The following CNOT1 variants were observed in gnomAD, a reference collection of about 807,000 sequenced individuals.
The protein encoded by CNOT1 is CCR4-associated factor 1.
Under a neutral mutation model 273.8 loss-of-function variants are expected in CNOT1, and 15 were observed. The observed-to-expected ratio is 0.05, with a 90% CI of 0.04 to 0.08. The LOEUF is 0.08. Among genes scored for constraint, CNOT1 ranks in the 10% least tolerant of loss-of-function variants. The pLI, the probability that CNOT1 is intolerant of heterozygous loss-of-function variation, is 1.00. For synonymous variants in CNOT1, 1,022 were observed against 1,005.5 expected, an observed-to-expected ratio of 1.02 and a Z score of -0.31; for missense variants, 1,644 against 2,912.2, an observed-to-expected ratio of 0.56 and a Z score of 10.02.
chr16:58,596,279 A>AC (rs542279038), intron 2 of CNOT1, among the ~76,000 whole-genome samples: 48 of 63,658 alleles, frequency 7.5e-4, no homozygotes, highest in African/African-American at 4.0e-3. Context: ...TGCAGCATCC[A>AC]GGAGGCACTC....
In CNOT1 at chr16:58,555,356, A is replaced by G; in HGVS notation, c.2786T>C (p.Met929Thr). 6.2e-7 allele frequency: 1 copy of G among 1,614,224 alleles called. No individual in the cohort carries two copies. Among genetic ancestry groups the G allele is most frequent in the Non-Finnish European group, 8.5e-7 (1 of 1,180,036 alleles). ...GIIEKGLVTY[M>T]ALGLALRYVL... ...ATATCGTAGAGCCAGACCTAGTGCC[A>G]TGTAAGTGACCAGTCCTTTCTCAAT... Residue 929 changes from methionine (M) to threonine (T), a missense_variant, in exon 21 of 49, where the codon ATG (methionine) becomes ACG (threonine). Physicochemically the swap from Met to Thr is moderately conservative, Grantham distance 81. Transcript: ENST00000317147.
intron 1 of CNOT1, among the ~76,000 whole-genome samples, chr16:58,604,796 TA>T (rs1218956366): frequency 2.8e-3 from 134 of 48,390 alleles, no homozygotes; most frequent in Middle Eastern, 0.027. Flanking sequence ...AAACTCCGTC[TA>T]AAAAAAAAAA....
At chr16:58,557,954 C>T (rs1368747803) in intron 18 of CNOT1, among the ~76,000 whole-genome samples, 1 of 152,140 alleles carries the variant, frequency 6.6e-6, no homozygotes, top group Non-Finnish European at 1.5e-5. Flanking sequence ...CGTACCACTG[C>T]ACTCCAGCCT....
chr16:58,549,062 G>A (rs764016886), intron 25 of CNOT1, among the ~76,000 whole-genome samples: 2 of 152,192 alleles, frequency 1.3e-5, no homozygotes, highest in African/African-American at 4.8e-5. Context: ...GCCGAGGAGG[G>A]TGGATCACCT....
chr16:58,573,476 A>G (rs2041352391), intron 16 of CNOT1, among the ~76,000 whole-genome samples: 2 of 139,312 alleles, frequency 1.4e-5, no homozygotes, highest in African/African-American at 5.9e-5. Context: ...GCTGTTTTGC[A>G]ATTTTTTTTT....
intron 1 of CNOT1, among the ~76,000 whole-genome samples, chr16:58,604,658 G>T (rs1275940991): frequency 6.7e-6 from 1 of 150,314 alleles, no homozygotes; most frequent in African/African-American, 2.4e-5. Flanking sequence ...TTAGCCGGGC[G>T]TGGTGGTGCC....
rs1416823048 is a variant in CNOT1, at chr16:58,550,192, C to T, written c.3343-294G>A. Among the ~76,000 whole-genome samples, 4 of 152,180 alleles carry T rather than the reference C, an allele frequency of 2.6e-5. No homozygotes were observed. In the East Asian group the frequency reaches 5.8e-4, roughly 22 times the overall value. ...ACATAAATTACTAATCTATAAGCTG[C>T]CATTAACATACCTACAGTGTAACCA... On this transcript the variant is annotated intron_variant, in intron 24 of 48. Coordinates refer to ENST00000317147, the MANE Select transcript of CNOT1 (RefSeq NM_016284.5).
At chr16:58,551,547 T>C in intron 23 of CNOT1, 42 bp downstream of exon 23, 1 of 1,579,806 alleles carries the variant, frequency 6.3e-7, no homozygotes, top group Admixed American at 1.7e-5. Flanking sequence ...TATTACAATA[T>C]AATCATAAAT....
intron 27 of CNOT1, 93 bp from the exon 28 acceptor site, chr16:58,546,842 G>A: frequency 5.5e-6 from 8 of 1,462,356 alleles, no homozygotes; most frequent in East Asian, 4.6e-5. Flanking sequence ...GGGGTAGGGG[G>A]GAGTCAAACA....
intron 1 of CNOT1, among the ~76,000 whole-genome samples, chr16:58,623,634 G>A (rs181965750): frequency 1.3e-5 from 2 of 152,236 alleles, no homozygotes; most frequent in East Asian, 3.9e-4. Flanking sequence ...TGGAAGCTCC[G>A]CGGCCCTTAC....
intron 2 of CNOT1, among the ~76,000 whole-genome samples, chr16:58,595,412 T>A (rs2042218011): frequency 8.8e-6 from 1 of 113,982 alleles, no homozygotes; most frequent in Non-Finnish European, 1.8e-5. Flanking sequence ...AAAACTATTT[T>A]TCCATCTCAA....
intron 24 of CNOT1, among the ~76,000 whole-genome samples, chr16:58,550,794 T>C (rs1367062804): frequency 6.6e-6 from 1 of 152,142 alleles, no homozygotes; most frequent in East Asian, 1.9e-4. Context: ...ATGCATTCTT[T>C]ATGCTTTTCA....
intron 1 of CNOT1, among the ~76,000 whole-genome samples, chr16:58,607,739 G>GAAAAAAAA (rs61153626): frequency 1.0e-5 from 1 of 97,430 alleles, no homozygotes; most frequent in Non-Finnish European, 1.9e-5. Flanking sequence ...AAAAAAAAAA[G>GAAAAAAAA]AAAGAAAGAA....
intron 2 of CNOT1, among the ~76,000 whole-genome samples, chr16:58,595,499 AAGAC>A (rs1019267172): frequency 2.0e-5 from 3 of 152,064 alleles, no homozygotes; most frequent in South Asian, 2.1e-4. Context: ...CCTTAATCAC[AAGAC>A]AGACAGAGGG....
At chr16:58,530,495 A>G in intron 42 of CNOT1, 148 bp from the exon 43 acceptor site, 2 of 518,490 alleles carry the variant, frequency 3.9e-6, no homozygotes, top group East Asian at 6.3e-5. Flanking sequence ...AAAGATCGGC[A>G]TTAAAGGCCA....
At chr16:58,583,006 A>G (rs755969438) in intron 9 of CNOT1, 50 bp downstream of exon 9, 4 of 1,606,874 alleles carry the variant, frequency 2.5e-6, no homozygotes, top group East Asian at 4.5e-5. Context: ...AAAAAAAATA[A>G]AGAGGACAGG....
At chr16:58,560,435 GATT>G in intron 16 of CNOT1, 73 bp from the exon 17 acceptor site, 1 of 1,434,218 alleles carries the variant, frequency 7.0e-7, no homozygotes, top group African/African-American at 2.3e-5. Flanking sequence ...CAACCGATCT[GATT>G]TTTTTTTTTT....
At chr16:58,562,069 G>A (rs995994669) in intron 16 of CNOT1, among the ~76,000 whole-genome samples, 6 of 151,742 alleles carry the variant, frequency 4.0e-5, no homozygotes, top group African/African-American at 1.5e-4. Context: ...GGCATGTGGC[G>A]GGCACCTCTA....
Position 58,600,757 on chromosome 16 carries a change from G to GT in CNOT1, c.-174-1247dup, listed in dbSNP as rs576031265. On this transcript the variant is annotated intron_variant, in intron 1 of 48. Coordinates refer to ENST00000317147, the MANE Select transcript of CNOT1 (RefSeq NM_016284.5). ...AGCTAAAATGACAGGATTATTATCA[G>GT]TTTAACTCCAACCACCTGCTGAGTG... Among the ~76,000 whole-genome samples, 17 of 152,308 alleles carry GT rather than the reference G, an allele frequency of 1.1e-4. No homozygotes were observed. In the East Asian group the frequency reaches 2.5e-3, roughly 22 times the overall value.
Sources: allele counts gnomAD v4.1 joint callset (sites outside exome capture counted in the v4.1 genomes callset), GRCh38; gene constraint gnomAD v4.1.1; transcripts MANE v1.5; gene names NCBI Gene and HGNC (gene_info 2026-07-23, HGNC 2026-07-21).